INPP4B: variants seen among roughly 807,000 people sequenced by gnomAD.
INPP4B encodes the protein inositol polyphosphate-4-phosphatase type II B, also known as inositol polyphosphate 4-phosphatase type II.
INPP4B carries 55 observed loss-of-function variants against 122.5 expected under a neutral mutation model. The observed-to-expected ratio is 0.45, with a 90% CI of 0.36 to 0.56. INPP4B has a LOEUF of 0.56. Ranked by LOEUF, INPP4B falls within the 20% of genes least tolerant of loss-of-function variation. INPP4B has a pLI of 0.00. For synonymous variants in INPP4B, 403 were observed against 388.7 expected (o/e 1.04, Z -0.43); for missense variants, 1,000 against 1,097.7 (o/e 0.91, Z 1.26).
intron 2 of INPP4B, among the ~76,000 whole-genome samples, chr4:142,480,919 A>G (rs907468570): frequency 2.6e-5 from 4 of 152,080 alleles, no homozygotes; most frequent in Non-Finnish European, 5.9e-5. Flanking sequence ...TTATAGTCAC[A>G]TAATAAAAGG....
chr4:142,207,225 G>C (rs779152647), intron 14 of INPP4B, among the ~76,000 whole-genome samples: 1 of 152,014 alleles, frequency 6.6e-6, no homozygotes, highest in East Asian at 1.9e-4. Context: ...TCTTGGCTAC[G>C]GTGAACAATG....
intron 2 of INPP4B, among the ~76,000 whole-genome samples, chr4:142,595,570 G>GT (rs1738516290): frequency 6.6e-6 from 1 of 152,048 alleles, no homozygotes; most frequent in African/African-American, 2.4e-5. Context: ...GCAAAAATTG[G>GT]TTTTTTTGAG....
chr4:142,732,885 T>C (rs1449304228), intron 1 of INPP4B, among the ~76,000 whole-genome samples: 1 of 152,122 alleles, frequency 6.6e-6, no homozygotes, highest in Non-Finnish European at 1.5e-5. Context: ...AAGACAAAAC[T>C]AGAATTTTTA....
intron 10 of INPP4B, among the ~76,000 whole-genome samples, chr4:142,268,021 T>A (rs1743667610): frequency 6.6e-6 from 1 of 151,918 alleles, no homozygotes; most frequent in African/African-American, 2.4e-5. Context: ...TCAGAATGAC[T>A]ATTATCAAAA....
intron 1 of INPP4B, among the ~76,000 whole-genome samples, chr4:142,783,437 C>T (rs745534101): frequency 1.5e-3 from 233 of 152,044 alleles, no homozygotes; most frequent in Non-Finnish European, 2.1e-3. Context: ...TTAAAGCAAG[C>T]TTATGTTAAA....
chr4:142,508,780 C>G (rs1299174040), intron 2 of INPP4B, among the ~76,000 whole-genome samples: 1 of 152,142 alleles, frequency 6.6e-6, no homozygotes, highest in Admixed American at 6.5e-5. Flanking sequence ...CTGGCAAACT[C>G]TCTGAAGACA....
At chr4:142,112,748 T>A in intron 21 of INPP4B, 66 bp from the exon 22 acceptor site, 2 of 1,498,722 alleles carry the variant, frequency 1.3e-6, no homozygotes, top group South Asian at 2.5e-5. Context: ...TTAGATTTAT[T>A]GGAAGAAAAC....
chr4:142,072,775 T>C (rs944959833), intron 25 of INPP4B, among the ~76,000 whole-genome samples: 1 of 152,102 alleles, frequency 6.6e-6, no homozygotes, highest in Non-Finnish European at 1.5e-5. Flanking sequence ...TTAGCGCTCA[T>C]GACAACCCTA....
intron 2 of INPP4B, among the ~76,000 whole-genome samples, chr4:142,686,048 G>A (rs34676538): frequency 0.035 from 5,389 of 152,088 alleles, 112 homozygotes; most frequent in Middle Eastern, 0.065. Flanking sequence ...GCTGTTGACC[G>A]GAATTTCATG....
chr4:142,272,284 G>T (rs187291043), intron 9 of INPP4B, among the ~76,000 whole-genome samples: 1 of 151,796 alleles, frequency 6.6e-6, no homozygotes, highest in Non-Finnish European at 1.5e-5. Flanking sequence ...GAAAAGAAAC[G>T]CTGATTCTAT....
At chr4:142,352,760 AT>A (rs1221985522) in intron 7 of INPP4B, among the ~76,000 whole-genome samples, 1 of 151,962 alleles carries the variant, frequency 6.6e-6, no homozygotes, top group Non-Finnish European at 1.5e-5. Flanking sequence ...TATTATCAGG[AT>A]TTGCCTTGAG....
At chr4:142,224,344 A>T (rs527553571) in intron 12 of INPP4B, among the ~76,000 whole-genome samples, 1 of 152,258 alleles carries the variant, frequency 6.6e-6, no homozygotes, top group Non-Finnish European at 1.5e-5. Context: ...ATCTGAATTT[A>T]ATTTGGAGTT....
chr4:142,210,236 T>C (rs1266362470), intron 12 of INPP4B, among the ~76,000 whole-genome samples: 1 of 152,208 alleles, frequency 6.6e-6, no homozygotes, highest in Non-Finnish European at 1.5e-5. Context: ...AATGCAAGAA[T>C]AATGGATGGT....
At chr4:142,262,654 TTGC>T (rs1452649245) in intron 10 of INPP4B, among the ~76,000 whole-genome samples, 4 of 152,208 alleles carry the variant, frequency 2.6e-5, no homozygotes, top group African/African-American at 9.6e-5. Flanking sequence ...CTCTGGTTCA[TTGC>T]TGAATCCCCA....
chr4:142,508,813 G>C (rs920397753), intron 2 of INPP4B, among the ~76,000 whole-genome samples: 1 of 152,160 alleles, frequency 6.6e-6, no homozygotes, highest in Non-Finnish European at 1.5e-5. Context: ...CCAAAAAAAG[G>C]AGGAAGTTTG....
At position 142,726,113 on chromosome 4, in the gene INPP4B, G is replaced by A. The variant is rs575695568; in HGVS notation, c.-253-212C>T. Reference sequence around the variant, plus strand: ...CTTTCTCCCTTACAGCTGAGAACATGGGTGACTGCAGCAGATACTCAGCCC... The same window carrying A: ...CTTTCTCCCTTACAGCTGAGAACATAGGTGACTGCAGCAGATACTCAGCCC... On this transcript the variant is annotated intron_variant, in intron 1 of 25. Coordinates refer to ENST00000262992, the MANE Select transcript of INPP4B (RefSeq NM_001101669.3). 4.5e-4 allele frequency among the ~76,000 whole-genome samples: 69 copies of A among 152,212 alleles called. 1 individual carries two copies. The highest frequency in any genetic ancestry group is 1.6e-3 in the African/African-American group (68 of 41,526).
intron 2 of INPP4B, among the ~76,000 whole-genome samples, chr4:142,687,771 C>G (rs1560961962): frequency 6.6e-6 from 1 of 152,008 alleles, no homozygotes; most frequent in Non-Finnish European, 1.5e-5. Flanking sequence ...CTGAGACACT[C>G]TAAGCAGGGT....
At chr4:142,562,565 G>A (rs1184659157) in intron 2 of INPP4B, among the ~76,000 whole-genome samples, 2 of 152,112 alleles carry the variant, frequency 1.3e-5, no homozygotes, top group Non-Finnish European at 2.9e-5. Flanking sequence ...AGTACTTGTG[G>A]ACAAGGTGTC....
intron 12 of INPP4B, among the ~76,000 whole-genome samples, chr4:142,214,875 T>C (rs934190215): frequency 3.9e-5 from 6 of 152,224 alleles, no homozygotes; most frequent in African/African-American, 1.4e-4. Flanking sequence ...TGTTTATTTG[T>C]ATAGATGAAA....
Sources: gnomAD v4.1 joint callset for allele counts (sites outside exome capture counted in the v4.1 genomes callset) on GRCh38, gnomAD v4.1.1 for gene constraint, MANE v1.5 for transcripts, NCBI Gene and HGNC (gene_info 2026-07-23, HGNC 2026-07-21) for gene names.